The following GPHN variants were observed in gnomAD, a reference collection of about 807,000 sequenced individuals.
GPHN encodes gephyrin.
In GPHN, 17 loss-of-function variants were observed where a neutral mutation model predicts 95.5. That is an observed-to-expected ratio of 0.18 (90% CI 0.12 to 0.27). The LOEUF is 0.27. Ranked by LOEUF, GPHN falls within the 10% of genes least tolerant of loss-of-function variation. The probability of loss-of-function intolerance (pLI) is 1.00; values close to 1 mark genes in which losing one functional copy is unlikely to be tolerated. For synonymous variants in GPHN, 320 were observed against 322.5 expected, an observed-to-expected ratio of 0.99 and a Z score of 0.08; for missense variants, 660 against 978.1, an observed-to-expected ratio of 0.67 and a Z score of 4.34.
chr14:66,686,838 A>T (rs1379050887), intron 2 of GPHN, among the ~76,000 whole-genome samples: 2 of 152,164 alleles, frequency 1.3e-5, no homozygotes, highest in Non-Finnish European at 2.9e-5. Context: ...CAGTTTTTAA[A>T]GAGAATGCTT....
intron 1 of GPHN, among the ~76,000 whole-genome samples, chr14:66,629,779 T>C (rs566482820): frequency 1.3e-5 from 2 of 152,276 alleles, no homozygotes; most frequent in South Asian, 4.2e-4. Context: ...TATAATGTTA[T>C]GGACTCACCA....
intron 17 of GPHN, among the ~76,000 whole-genome samples, chr14:67,123,625 G>A (rs573571954): frequency 6.6e-6 from 1 of 152,266 alleles, no homozygotes; most frequent in Non-Finnish European, 1.5e-5. Flanking sequence ...GAAGTGAGCT[G>A]AGATCGTAAC....
chr14:67,090,219 G>A (rs2077092661), intron 12 of GPHN, among the ~76,000 whole-genome samples: 1 of 152,006 alleles, frequency 6.6e-6, no homozygotes, highest in Non-Finnish European at 1.5e-5. Context: ...ATGGAGTTAT[G>A]GAGTCTCTTA....
chr14:66,930,726 A>C (rs143836457), intron 8 of GPHN, among the ~76,000 whole-genome samples: 194 of 151,962 alleles, frequency 1.3e-3, no homozygotes, highest in African/African-American at 4.3e-3. Context: ...GGGTTTCACT[A>C]TTTTGCCCAG....
At chr14:66,611,257 T>C (rs2062767936) in intron 1 of GPHN, among the ~76,000 whole-genome samples, 1 of 152,188 alleles carries the variant, frequency 6.6e-6, no homozygotes, top group South Asian at 2.1e-4. Context: ...TTATGACTTC[T>C]GTTCACTAAG....
the GPHN span, among the ~76,000 whole-genome samples, chr14:67,438,032 G>T: frequency 3.3e-5 from 5 of 152,112 alleles, no homozygotes; most frequent in Non-Finnish European, 7.4e-5. Flanking sequence ...TATTTGGGGC[G>T]GTCTGCTCCT....
chr14:66,714,532 A>G (rs961008727), intron 2 of GPHN, among the ~76,000 whole-genome samples: 1 of 151,640 alleles, frequency 6.6e-6, no homozygotes, highest in Non-Finnish European at 1.5e-5. Flanking sequence ...TCGTGGTGAG[A>G]GTGGGTATCC....
At chr14:66,710,864 T>C (rs189863126) in intron 2 of GPHN, among the ~76,000 whole-genome samples, 29 of 152,294 alleles carry the variant, frequency 1.9e-4, no homozygotes, top group African/African-American at 6.5e-4. Context: ...AGGTAATACA[T>C]GTAAAAGCTC....
At chr14:66,623,191 T>C (rs142629911) in intron 1 of GPHN, among the ~76,000 whole-genome samples, 108 of 152,228 alleles carry the variant, frequency 7.1e-4, no homozygotes, top group Admixed American at 5.8e-3. Context: ...AGAGAACTTG[T>C]GCAGGGAAAC....
chr14:67,069,774 C>T (rs935903538), intron 11 of GPHN, among the ~76,000 whole-genome samples: 2 of 152,130 alleles, frequency 1.3e-5, no homozygotes, highest in African/African-American at 4.8e-5. Context: ...TTAATTCCAC[C>T]CACCCAGGTC....
intron 2 of GPHN, among the ~76,000 whole-genome samples, chr14:66,701,218 A>C (rs897737061): frequency 3.3e-5 from 5 of 152,072 alleles, no homozygotes; most frequent in Non-Finnish European, 5.9e-5. Flanking sequence ...TTGAATAAAA[A>C]TACATCTTAC....
intron 2 of GPHN, among the ~76,000 whole-genome samples, chr14:66,761,492 A>T (rs2058752927): frequency 6.6e-6 from 1 of 152,210 alleles, no homozygotes; most frequent in South Asian, 2.1e-4. Flanking sequence ...TTTGCATCTT[A>T]GAAGAGCATA....
intron 2 of GPHN, among the ~76,000 whole-genome samples, chr14:66,752,226 C>T (rs1416700699): frequency 1.3e-5 from 2 of 152,074 alleles, no homozygotes; most frequent in Non-Finnish European, 2.9e-5. Context: ...AGCAATAAGG[C>T]TTTCTCTCTC....
the GPHN span, among the ~76,000 whole-genome samples, chr14:67,305,322 C>A: frequency 6.6e-6 from 1 of 151,830 alleles, no homozygotes; most frequent in South Asian, 2.1e-4. Flanking sequence ...GCTCTATTAT[C>A]CAGGCTGGAG....
chr14:67,560,400 T>C, the GPHN span, among the ~76,000 whole-genome samples: 1 of 152,228 alleles, frequency 6.6e-6, no homozygotes, highest in African/African-American at 2.4e-5. Flanking sequence ...AAATGTACCA[T>C]TTAAGTGTAC....
At chr14:67,002,879 T>C (rs1376493540) in intron 9 of GPHN, among the ~76,000 whole-genome samples, 1 of 151,646 alleles carries the variant, frequency 6.6e-6, no homozygotes, top group East Asian at 1.9e-4. Flanking sequence ...AGGTTTTTCA[T>C]AGAGTAAAAT....
At chr14:67,310,959 T>G in the GPHN span, among the ~76,000 whole-genome samples, 1 of 152,154 alleles carries the variant, frequency 6.6e-6, no homozygotes, top group East Asian at 1.9e-4. Flanking sequence ...AGTGCCCCTT[T>G]TGGGGTAGAC....
intron 9 of GPHN, among the ~76,000 whole-genome samples, chr14:67,016,984 T>C (rs2073349864): frequency 6.6e-6 from 1 of 152,116 alleles, no homozygotes; most frequent in South Asian, 2.1e-4. Flanking sequence ...CCCCATATTA[T>C]GGATGAGGAA....
chr14:66,769,143 A>T (rs1250106172), intron 2 of GPHN, among the ~76,000 whole-genome samples: 1 of 152,068 alleles, frequency 6.6e-6, no homozygotes, highest in Non-Finnish European at 1.5e-5. Context: ...AAGACAGTGA[A>T]GCATATAGAT....
Sources: gnomAD v4.1 joint callset for allele counts (sites outside exome capture counted in the v4.1 genomes callset) on GRCh38, gnomAD v4.1.1 for gene constraint, MANE v1.5 for transcripts, NCBI Gene and HGNC (gene_info 2026-07-23, HGNC 2026-07-21) for gene names.